The following TRAF3IP1 variants were observed in gnomAD, a reference collection of about 807,000 sequenced individuals.
The protein encoded by TRAF3IP1 is TRAF3-interacting protein 1.
Under a neutral mutation model 89.9 loss-of-function variants are expected in TRAF3IP1, and 53 were observed. The observed-to-expected ratio is 0.59, with a 90% confidence interval of 0.47 to 0.74. The LOEUF (loss-of-function observed/expected upper bound fraction) is 0.74, where lower values mean the gene tolerates loss of function less well. TRAF3IP1 is among the 30% of genes least tolerant of loss of function. The pLI is 0.00. For synonymous variants in TRAF3IP1, 311 were observed against 322.1 expected (o/e 0.97, Z 0.37); for missense variants, 806 against 866.1 (o/e 0.93, Z 0.87).
chr2:238,334,989 C>T (rs1233679422), intron 7 of TRAF3IP1, among the ~76,000 whole-genome samples: 5 of 152,162 alleles, frequency 3.3e-5, no homozygotes, highest in Non-Finnish European at 5.9e-5. Context: ...TCCTTGTCAT[C>T]GCGTGTGAGT....
In TRAF3IP1 at chr2:238,334,051, TA is replaced by T; in HGVS notation, c.1063+17del. ...TCAGTGGAAGGTACTGCAAAACTTA[TA>T]TATGTAGCTGAAAATATGGATATTA... On this transcript the variant is annotated intron_variant, in intron 7 of 16. Coordinates refer to ENST00000373327, the MANE Select transcript of TRAF3IP1 (RefSeq NM_015650.4). 1 of 1,585,556 alleles carries T rather than the reference TA, an allele frequency of 6.3e-7. No homozygotes were observed. Among genetic ancestry groups the T allele is most frequent in the Non-Finnish European group, 8.6e-7 (1 of 1,162,742 alleles).
Position 238,356,195 on chromosome 2 carries a change from C to T in TRAF3IP1, c.1689+115C>T. Reference sequence around the variant, plus strand: ...TACCATTATCAGTGATGTCTGTTTGCATATTTAAATGCCATTCCTGGCCAG... The same window carrying T: ...TACCATTATCAGTGATGTCTGTTTGTATATTTAAATGCCATTCCTGGCCAG... On this transcript the variant is annotated intron_variant, in intron 15 of 16. Transcript: ENST00000373327. 3 of 905,228 alleles carry T rather than the reference C, an allele frequency of 3.3e-6. No homozygotes were observed. In the South Asian group the frequency reaches 4.5e-5, roughly 13 times the overall value. The allele number at this position is 905,228 out of a possible 1,614,324, so 56.1% of individuals were successfully genotyped here. A position where few individuals can be genotyped will look rare whatever the true frequency, so the allele number is the denominator to read the frequency against.
At chr2:238,378,976 T>C (rs1700436819) in intron 15 of TRAF3IP1, among the ~76,000 whole-genome samples, 1 of 152,192 alleles carries the variant, frequency 6.6e-6, no homozygotes, top group South Asian at 2.1e-4. Flanking sequence ...GAGGGTCCAG[T>C]CCTTCTTTGG....
intron 15 of TRAF3IP1, among the ~76,000 whole-genome samples, chr2:238,387,994 A>G (rs1485947500): frequency 6.6e-6 from 1 of 152,160 alleles, no homozygotes; most frequent in Admixed American, 6.5e-5. Context: ...CTGAGATGGA[A>G]GGATTATTAA....
chr2:238,335,751 G>GTTTATTTTAT (rs1341579198), intron 7 of TRAF3IP1, among the ~76,000 whole-genome samples: 1 of 147,794 alleles, frequency 6.8e-6, no homozygotes, highest in Non-Finnish European at 1.5e-5. Flanking sequence ...TTGCTCGCTG[G>GTTTATTTTAT]TTTATTTTAT....
intron 14 of TRAF3IP1, among the ~76,000 whole-genome samples, chr2:238,355,158 T>G (rs1699353378): frequency 6.6e-6 from 1 of 152,220 alleles, no homozygotes; most frequent in African/African-American, 2.4e-5. Context: ...ATAATTCGCA[T>G]GATTTTAAGG....
chr2:238,358,272 T>TA lies in TRAF3IP1; in HGVS notation c.1689+2193dup, dbSNP rs1213826751. The stretch of plus-strand genomic sequence containing the variant: ...AAAAATGTGGCCAGGCGCAGTGACT[T>TA]ACACCTGTAATCCCAGCACTTTAGG... On this transcript the variant is annotated intron_variant, in intron 15 of 16. Coordinates refer to ENST00000373327, the MANE Select transcript of TRAF3IP1 (RefSeq NM_015650.4). Among the ~76,000 whole-genome samples the TA allele has an allele frequency of 5.3e-5, 8 of 152,104 alleles. No individual in the cohort carries two copies. In the East Asian group the frequency reaches 1.5e-3, roughly 29 times the overall value.
At chr2:238,354,496 A>G (rs1236255974) in intron 14 of TRAF3IP1, among the ~76,000 whole-genome samples, 5 of 152,146 alleles carry the variant, frequency 3.3e-5, no homozygotes, top group African/African-American at 1.2e-4. Context: ...TCTCATGCCA[A>G]AAAGCCTGGC....
intron 3 of TRAF3IP1, among the ~76,000 whole-genome samples, chr2:238,328,115 T>C (rs1697928784): frequency 6.6e-6 from 1 of 152,210 alleles, no homozygotes; most frequent in African/African-American, 2.4e-5. Flanking sequence ...AGGGGAATTA[T>C]TGGGTCATAT....
chr2:238,342,377 A>T (rs999725372), intron 8 of TRAF3IP1, among the ~76,000 whole-genome samples: 2 of 151,624 alleles, frequency 1.3e-5, no homozygotes, highest in African/African-American at 2.4e-5. Flanking sequence ...TTATGAATTG[A>T]TTCTACAGTG....
intron 15 of TRAF3IP1, among the ~76,000 whole-genome samples, chr2:238,367,276 A>G (rs925745345): frequency 1.1e-4 from 16 of 150,940 alleles, no homozygotes; most frequent in African/African-American, 3.2e-4. Flanking sequence ...AGAGAAGTGT[A>G]GGAGGTATCT....
intron 7 of TRAF3IP1, among the ~76,000 whole-genome samples, chr2:238,336,154 T>C (rs902266776): frequency 6.6e-6 from 1 of 152,168 alleles, no homozygotes; most frequent in African/African-American, 2.4e-5. Flanking sequence ...AAGCAGACAG[T>C]TGTATCATCT....
chr2:238,396,839 AGTCAC>A (rs1390424234), intron 15 of TRAF3IP1, among the ~76,000 whole-genome samples: 2 of 152,114 alleles, frequency 1.3e-5, no homozygotes, highest in Non-Finnish European at 2.9e-5. Context: ...CGGCCAGCAC[AGTCAC>A]GTCTAAGTCG....
intron 15 of TRAF3IP1, among the ~76,000 whole-genome samples, chr2:238,394,896 G>A (rs1010420869): frequency 6.6e-6 from 1 of 152,198 alleles, no homozygotes; most frequent in South Asian, 2.1e-4. Context: ...TGAGCCCACA[G>A]TCTGAAACTA....
intron 15 of TRAF3IP1, among the ~76,000 whole-genome samples, chr2:238,372,722 G>T (rs913095514): frequency 1.3e-4 from 20 of 152,160 alleles, no homozygotes; most frequent in Non-Finnish European, 2.2e-4. Context: ...CTTCCACAAC[G>T]GCTGAACTAA....
At chr2:238,382,109 C>T (rs1028137069) in intron 15 of TRAF3IP1, among the ~76,000 whole-genome samples, 1 of 152,066 alleles carries the variant, frequency 6.6e-6, no homozygotes, top group Non-Finnish European at 1.5e-5. Context: ...GAGGAAACAC[C>T]AAAGCCATGG....
chr2:238,386,675 A>C (rs1700786715), intron 15 of TRAF3IP1, among the ~76,000 whole-genome samples: 1 of 152,160 alleles, frequency 6.6e-6, no homozygotes, highest in Non-Finnish European at 1.5e-5. Context: ...TCTCTGGTTT[A>C]GTTGGGTATG....
At chr2:238,340,724 TAGAA>T (rs1425189248) in intron 8 of TRAF3IP1, among the ~76,000 whole-genome samples, 5 of 152,102 alleles carry the variant, frequency 3.3e-5, no homozygotes, top group Non-Finnish European at 7.4e-5. Context: ...TATGGAAAAG[TAGAA>T]AGAATAGTAC....
rs1290827626 is a variant in TRAF3IP1, at chr2:238,379,917, T to C, written c.1690-17542T>C. Among the ~76,000 whole-genome samples the C allele has an allele frequency of 6.6e-6, 1 of 152,096 alleles. No individual in the cohort carries two copies. Among genetic ancestry groups the C allele is most frequent in the Non-Finnish European group, 1.5e-5 (1 of 68,016 alleles). ...AGGTGGAAATAAAAAACAAAATAAT[T>C]GAATAATCACCTCACTGGCCATTTC... is the stretch of plus-strand genomic sequence containing the variant. On this transcript the variant is annotated intron_variant, in intron 15 of 16. Transcript: ENST00000373327. This position sits in a 1 kb window ranked among gnomAD's most constrained non-coding sequence, Gnocchi z 4.0.
Sources: gnomAD v4.1 joint callset for allele counts (sites outside exome capture counted in the v4.1 genomes callset) on GRCh38, gnomAD v4.1.1 for gene constraint, Gnocchi (gnomAD v3.1) non-coding constraint, MANE v1.5 for transcripts, NCBI Gene and HGNC (gene_info 2026-07-23, HGNC 2026-07-21) for gene names.